NFIX: variants seen among roughly 807,000 people sequenced by gnomAD.
The protein encoded by NFIX is nuclear factor 1 X-type.
A neutral mutation model predicts 53.3 loss-of-function variants in NFIX; 2 were observed. That is an observed-to-expected ratio of 0.04 (90% CI 0.02 to 0.12). The LOEUF (loss-of-function observed/expected upper bound fraction) is 0.12. NFIX is among the 10% of genes least tolerant of loss of function. NFIX has a pLI of 1.00. For synonymous variants in NFIX, 244 were observed against 289.0 expected, an observed-to-expected ratio of 0.84 and a Z score of 1.58; for missense variants, 310 against 674.5, an observed-to-expected ratio of 0.46 and a Z score of 5.99.
At chr19:13,091,597 G>A (rs1403304435) in intron 10 of NFIX, among the ~76,000 whole-genome samples, 1 of 152,090 alleles carries the variant, frequency 6.6e-6, no homozygotes, top group African/African-American at 2.4e-5. Flanking sequence ...TTGAACTTGG[G>A]GGTGCTGAGA....
chr19:13,088,223 C>T lies in NFIX; in HGVS notation c.1402+87C>T, dbSNP rs2017905924. On this transcript the variant is annotated intron_variant, in intron 9 of 10. Transcript: ENST00000592199. This position sits in a 1 kb window ranked among gnomAD's most constrained non-coding sequence, Gnocchi z 5.9. Reference sequence around the variant, plus strand: ...CCACTGCAAAAAGAAAAGCCTTCCCCCTCCCCACCACCAAAGCCCCCCAAC... The same window carrying T: ...CCACTGCAAAAAGAAAAGCCTTCCCTCTCCCCACCACCAAAGCCCCCCAAC... 6.9e-7 allele frequency: 1 copy of T among 1,459,130 alleles called. No homozygotes were observed. Among genetic ancestry groups the T allele is most frequent in the South Asian group, 1.3e-5 (1 of 78,122 alleles). The allele number at this position is 1,459,130 out of a possible 1,614,324, so 90.4% of individuals were successfully genotyped here.
At chr19:13,031,661 C>T (rs556875874) in intron 2 of NFIX, among the ~76,000 whole-genome samples, 7 of 152,216 alleles carry the variant, frequency 4.6e-5, no homozygotes, top group Admixed American at 2.6e-4. Flanking sequence ...TAGGCGTAGG[C>T]GTGAACCTGC....
intron 8 of NFIX, among the ~76,000 whole-genome samples, chr19:13,086,539 C>G (rs1317705974): frequency 6.6e-6 from 1 of 152,180 alleles, no homozygotes; most frequent in Non-Finnish European, 1.5e-5. Flanking sequence ...AATGCTTGGA[C>G]TGATGATCCT....
At chr19:13,085,762 G>T (rs2017743290) in intron 8 of NFIX, among the ~76,000 whole-genome samples, 1 of 152,172 alleles carries the variant, frequency 6.6e-6, no homozygotes, top group South Asian at 2.1e-4. Context: ...TGGTCATCGT[G>T]GTAAAAAAAC....
intron 1 of NFIX, among the ~76,000 whole-genome samples, chr19:13,020,890 C>G (rs1009276320): frequency 2.0e-5 from 3 of 152,140 alleles, no homozygotes; most frequent in African/African-American, 7.2e-5. Flanking sequence ...ACCTCTATCC[C>G]TGACCCAGTT....
At chr19:13,004,966 A>G (rs1317537488) in intron 1 of NFIX, among the ~76,000 whole-genome samples, 1 of 152,030 alleles carries the variant, frequency 6.6e-6, no homozygotes, top group Admixed American at 6.6e-5. Flanking sequence ...ACAGATGTGC[A>G]CTATCACACC....
intron 2 of NFIX, among the ~76,000 whole-genome samples, chr19:13,058,641 A>G (rs1049275332): frequency 1.3e-5 from 2 of 151,694 alleles, no homozygotes; most frequent in African/African-American, 4.8e-5. Flanking sequence ...GCAGTGAGCT[A>G]TGATGGCACC....
At position 13,021,973 on chromosome 19, in the gene NFIX, C is replaced by T. The variant is rs118133366; in HGVS notation, c.28-3048C>T. On this transcript the variant is annotated intron_variant, in intron 1 of 10. Transcript: ENST00000592199. The surrounding 1 kb of genome is among the most constrained non-coding windows in gnomAD (Gnocchi z 4.2). Reference sequence around the variant, plus strand: ...TCTCATTTTATACTTTTGCACTTTGCACTGCTAGGGTTTGGGCTCTTTAGT... The same window carrying T: ...TCTCATTTTATACTTTTGCACTTTGTACTGCTAGGGTTTGGGCTCTTTAGT... Among the ~76,000 whole-genome samples, 5,015 of 152,206 alleles carry T rather than the reference C, an allele frequency of 0.033. 93 individuals carry two copies. Among genetic ancestry groups the T allele is most frequent in the Middle Eastern group, 0.082 (24 of 294 alleles).
At chr19:13,085,962 T>A (rs909774049) in intron 8 of NFIX, among the ~76,000 whole-genome samples, 6 of 152,128 alleles carry the variant, frequency 3.9e-5, no homozygotes, top group Non-Finnish European at 8.8e-5. Context: ...AAGGTTCCAG[T>A]GAGATCAAGA....
rs991738708 is a variant in NFIX, at chr19:13,094,421, G to A, written c.1495-214G>A. Among the ~76,000 whole-genome samples, 5 of 152,218 alleles carry A rather than the reference G, an allele frequency of 3.3e-5. No individual in the cohort carries two copies. Among genetic ancestry groups the A allele is most frequent in the Admixed American group, 6.5e-5 (1 of 15,284 alleles). On this transcript the variant is annotated intron_variant, in intron 10 of 10. Transcript: ENST00000592199. This position sits in a 1 kb window ranked among gnomAD's most constrained non-coding sequence, Gnocchi z 4.3. ...GGCCAGCTGGACTCTAGCACTAGGG[G>A]CAGAGTCTCTGAGGGGGCGGGGTTC...
chr19:13,019,664 C>T (rs2012855310), intron 1 of NFIX, among the ~76,000 whole-genome samples: 1 of 150,176 alleles, frequency 6.7e-6, no homozygotes, highest in Non-Finnish European at 1.5e-5. Flanking sequence ...ATGGCTGAAA[C>T]TGGCATGGGT....
rs765249868 is a variant in NFIX at position 13,081,998 on chromosome 19, TC to T, written c.1254+144del. On this transcript the variant is annotated intron_variant, in intron 8 of 10. Transcript: ENST00000592199. The surrounding 1 kb of genome is among the most constrained non-coding windows in gnomAD (Gnocchi z 4.7). The stretch of plus-strand genomic sequence containing the variant: ...CAGGGAGCTGGTAGTACCAAACGCC[TC>T]GATTTTCTGGGTCTGGGGACGGGGG... 10 of 906,542 alleles carry T rather than the reference TC, an allele frequency of 1.1e-5. No homozygotes were observed. The highest frequency in any genetic ancestry group is 1.7e-5 in the Non-Finnish European group (10 of 605,372). The allele number at this position is 906,542 out of a possible 1,614,324, so 56.2% of individuals were successfully genotyped here. A position where few individuals can be genotyped will look rare whatever the true frequency, so the allele number is the denominator to read the frequency against.
In NFIX at chr19:13,070,681, C is replaced by CAGCAGCGCCCGG. The variant is rs926224527; in HGVS notation, c.560-2351_560-2340dup. The CAGCAGCGCCCGG allele has an allele frequency of 4.6e-5, 7 of 152,492 alleles. No homozygotes were observed. In the East Asian group the frequency reaches 7.7e-4, roughly 17 times the overall value. The allele number at this position is 152,492 out of a possible 1,614,324, so 9.4% of individuals were successfully genotyped here. On this transcript the variant is annotated intron_variant, in intron 2 of 10. Coordinates refer to ENST00000592199, the MANE Select transcript of NFIX (RefSeq NM_001365902.3). The stretch of plus-strand genomic sequence containing the variant: ...GGCTGCCAAGGTCTAAAATGGCTGC[C>CAGCAGCGCCCGG]AGCAGCGCCCGGAGCAGCGCCCGGA...
At chr19:13,050,542 AACAAAC>A (rs2015263350) in intron 2 of NFIX, among the ~76,000 whole-genome samples, 1 of 152,132 alleles carries the variant, frequency 6.6e-6, no homozygotes, top group South Asian at 2.1e-4. Flanking sequence ...AGCAGGTGCC[AACAAAC>A]ACATGTGGAA....
At chr19:13,084,753 C>T (rs2017674040) in intron 8 of NFIX, among the ~76,000 whole-genome samples, 1 of 151,966 alleles carries the variant, frequency 6.6e-6, no homozygotes, top group Admixed American at 6.6e-5. Context: ...ACAGCCAGGC[C>T]CACGTGTTTA....
intron 2 of NFIX, among the ~76,000 whole-genome samples, chr19:13,042,787 G>A (rs2014728596): frequency 6.9e-6 from 1 of 145,796 alleles, no homozygotes; most frequent in South Asian, 2.1e-4. Context: ...AATTCTGCTG[G>A]GATGGACATC....
In NFIX at chr19:13,066,626, C is replaced by T. The variant is rs2016419658; in HGVS notation, c.560-6421C>T. On this transcript the variant is annotated intron_variant, in intron 2 of 10. Coordinates refer to ENST00000592199, the MANE Select transcript of NFIX (RefSeq NM_001365902.3). This position sits in a 1 kb window ranked among gnomAD's most constrained non-coding sequence, Gnocchi z 4.2. ...TATCCCTGCCCCCACCCACAGCTTG[C>T]GGGCTCTGCTTCTTGTTCAGGCTCC... Among the ~76,000 whole-genome samples, 1 of 152,176 alleles carries T rather than the reference C, an allele frequency of 6.6e-6. No homozygotes were observed. Among genetic ancestry groups the T allele is most frequent in the South Asian group, 2.1e-4 (1 of 4,834 alleles).
In NFIX at chr19:13,052,790, A is replaced by C. The variant is rs1336598125; in HGVS notation, c.560-20257A>C. ...AGGTTGGCACCCCCTGCACCCGTCC[A>C]CACACACAGACCAGAGGAGTGAGGA... On this transcript the variant is annotated intron_variant, in intron 2 of 10. Coordinates refer to ENST00000592199, the MANE Select transcript of NFIX (RefSeq NM_001365902.3). The surrounding 1 kb of genome is among the most constrained non-coding windows in gnomAD (Gnocchi z 5.2). 6.6e-6 allele frequency among the ~76,000 whole-genome samples: 1 copy of C among 152,166 alleles called. No individual in the cohort carries two copies. Among genetic ancestry groups the C allele is most frequent in the African/African-American group, 2.4e-5 (1 of 41,438 alleles).
rs149344763 is a variant in NFIX, at chr19:13,079,115, T to C, written c.1078+380T>C. Among the ~76,000 whole-genome samples the C allele has an allele frequency of 3.4e-3, 524 of 152,352 alleles. 6 individuals carry two copies. The highest frequency in any genetic ancestry group is 0.012 in the African/African-American group (508 of 41,580). Reference sequence around the variant, plus strand: ...CTCTGCCTTCCTGCCGGCTCCTCTCTCCCAGCTCCTGGCTGAGCCCAGGCT... The same window carrying C: ...CTCTGCCTTCCTGCCGGCTCCTCTCCCCCAGCTCCTGGCTGAGCCCAGGCT... On this transcript the variant is annotated intron_variant, in intron 7 of 10. Transcript: ENST00000592199.
Sources: gnomAD v4.1 joint callset for allele counts (sites outside exome capture counted in the v4.1 genomes callset) on GRCh38, gnomAD v4.1.1 for gene constraint, Gnocchi (gnomAD v3.1) non-coding constraint, MANE v1.5 for transcripts, NCBI Gene and HGNC (gene_info 2026-07-23, HGNC 2026-07-21) for gene names.